SLC17A8: variants seen among roughly 807,000 people sequenced by gnomAD.
SLC17A8 encodes the protein vesicular glutamate transporter 3.
A neutral mutation model predicts 58.0 loss-of-function variants in SLC17A8; 31 were observed. That is an observed-to-expected ratio of 0.53 (90% CI 0.40 to 0.72). SLC17A8 has a LOEUF of 0.72. Among genes scored for constraint, SLC17A8 ranks in the 30% least tolerant of loss-of-function variants. The probability of loss-of-function intolerance (pLI) is 0.00; values close to 1 mark genes in which losing one functional copy is unlikely to be tolerated. For missense variants in SLC17A8, 655 were observed against 727.8 expected (o/e 0.90, Z 1.15); for synonymous variants, 228 against 249.0 (o/e 0.92, Z 0.79).
intron 1 of SLC17A8, among the ~76,000 whole-genome samples, chr12:100,362,007 A>G (rs1299403020): frequency 6.6e-6 from 1 of 152,100 alleles, no homozygotes; most frequent in Non-Finnish European, 1.5e-5. Flanking sequence ...AGAGCCAAGC[A>G]AGGATGCATG....
chr12:100,376,895 T>C (rs933727823), intron 1 of SLC17A8, among the ~76,000 whole-genome samples: 1 of 152,130 alleles, frequency 6.6e-6, no homozygotes, highest in Non-Finnish European at 1.5e-5. Flanking sequence ...CTGTAACCTC[T>C]GCCTCCAAGG....
chr12:100,391,033 G>A lies in SLC17A8; in HGVS notation c.387G>A (p.Val129=). ...TAQFNWDPET[V]GLIHGSFFWG... ...AGTTTAACTGGGATCCAGAAACAGT[G>A]GGCCTTATCCATGGATCTTTTTTCT... is the stretch of plus-strand genomic sequence containing the variant. The change falls in exon 3 of 12, where the codon GTG becomes GTA. Residue 129 remains valine (V), a synonymous_variant. Coordinates refer to ENST00000323346, the MANE Select transcript of SLC17A8 (RefSeq NM_139319.3). 1 of 1,613,578 alleles carries A rather than the reference G, an allele frequency of 6.2e-7. No individual in the cohort carries two copies. Among genetic ancestry groups the A allele is most frequent in the East Asian group, 2.2e-5 (1 of 44,856 alleles).
At chr12:100,416,826 T>A (rs1952909586) in intron 10 of SLC17A8, among the ~76,000 whole-genome samples, 1 of 152,208 alleles carries the variant, frequency 6.6e-6, no homozygotes, top group Admixed American at 6.5e-5. Flanking sequence ...ATCAATTTTA[T>A]AAGAATCGTT....
chr12:100,409,150 TATG>T (rs1952847739), intron 9 of SLC17A8, among the ~76,000 whole-genome samples: 1 of 14,474 alleles, frequency 6.9e-5, no homozygotes, highest in African/African-American at 5.3e-4. Context: ...AAACGTTATG[TATG>T]TATGTATGTA....
intron 5 of SLC17A8, among the ~76,000 whole-genome samples, chr12:100,399,754 C>T (rs1433012217): frequency 6.6e-6 from 1 of 152,118 alleles, no homozygotes; most frequent in Non-Finnish European, 1.5e-5. Flanking sequence ...ATTTGAGATG[C>T]AATTTGGGTA....
Position 100,402,438 on chromosome 12 carries a change from G to A in SLC17A8, c.862G>A (p.Glu288Lys). 1 of 1,614,094 alleles carries A rather than the reference G, an allele frequency of 6.2e-7. No homozygotes were observed. The highest frequency in any genetic ancestry group is 8.5e-7 in the Non-Finnish European group (1 of 1,180,012). ...TISNEEKTYI[E>K]TSIGEGANVV... The stretch of plus-strand genomic sequence containing the variant: ...ATCCAATGAGGAGAAGACCTATATA[G>A]AGACAAGCATAGGAGAGGGGGCCAA... Residue 288 changes from glutamate to lysine, a missense_variant, in exon 7 of 12, where the codon GAG becomes AAG. By Grantham distance (56) the Glu-to-Lys change is moderately conservative. Coordinates refer to ENST00000323346, the MANE Select transcript of SLC17A8 (RefSeq NM_139319.3).
At chr12:100,400,797 C>T (rs1019699756) in intron 5 of SLC17A8, among the ~76,000 whole-genome samples, 9 of 152,058 alleles carry the variant, frequency 5.9e-5, no homozygotes, top group East Asian at 1.9e-4. Flanking sequence ...CCCTACCAGA[C>T]GTCCAGAGGA....
chr12:100,368,375 C>A (rs1006901086), intron 1 of SLC17A8, among the ~76,000 whole-genome samples: 1 of 152,214 alleles, frequency 6.6e-6, no homozygotes, highest in Non-Finnish European at 1.5e-5. Context: ...AAATTCCCCT[C>A]TTCTTATAAG....
intron 5 of SLC17A8, among the ~76,000 whole-genome samples, chr12:100,398,094 C>G (rs1274819625): frequency 2.0e-5 from 3 of 152,144 alleles, no homozygotes; most frequent in African/African-American, 7.2e-5. Flanking sequence ...CTATTTATTT[C>G]TGCATATGTT....
rs1226246397 is a variant in SLC17A8 at position 100,420,024 on chromosome 12, G to A, written c.1635G>A (p.Lys545=). ...NHESFASPKK[K]MSYGATSQNC... Reference sequence around the variant, plus strand: ...AGAGTTTTGCGAGTCCCAAAAAGAAGATGTCTTATGGAGCCACCTCCCAGA... The same window carrying A: ...AGAGTTTTGCGAGTCCCAAAAAGAAAATGTCTTATGGAGCCACCTCCCAGA... Residue 545 remains lysine, a synonymous_variant, in exon 12 of 12, where the codon AAG becomes AAA. Coordinates refer to ENST00000323346, the MANE Select transcript of SLC17A8 (RefSeq NM_139319.3). 2 of 1,613,956 alleles carry A rather than the reference G, an allele frequency of 1.2e-6. No homozygotes were observed. Among genetic ancestry groups the A allele is most frequent in the Admixed American group, 1.7e-5 (1 of 59,986 alleles).
intron 1 of SLC17A8, among the ~76,000 whole-genome samples, chr12:100,374,342 T>C (rs1381050949): frequency 6.6e-6 from 1 of 152,220 alleles, no homozygotes; most frequent in Non-Finnish European, 1.5e-5. Flanking sequence ...TCAGGCATAG[T>C]GGTTCACACC....
chr12:100,411,487 A>AAAAT (rs922834689), intron 9 of SLC17A8, among the ~76,000 whole-genome samples: 10 of 152,208 alleles, frequency 6.6e-5, no homozygotes, highest in African/African-American at 1.4e-4. Flanking sequence ...TCTCAAAGAA[A>AAAAT]AAATAAATAA....
intron 5 of SLC17A8, among the ~76,000 whole-genome samples, chr12:100,400,955 A>G (rs898901184): frequency 2.0e-5 from 3 of 151,544 alleles, no homozygotes; most frequent in Non-Finnish European, 4.4e-5. Context: ...GAATGGAGAC[A>G]GCAGCCCTCT....
intron 10 of SLC17A8, among the ~76,000 whole-genome samples, chr12:100,413,746 C>T (rs566632944): frequency 2.0e-5 from 3 of 152,248 alleles, no homozygotes; most frequent in African/African-American, 4.8e-5. Flanking sequence ...GAGACCGAGA[C>T]GAATGGATCA....
Position 100,413,627 on chromosome 12 carries a change from C to G in SLC17A8, c.1297+747C>G, listed in dbSNP as rs111385863. On this transcript the variant is annotated intron_variant, in intron 10 of 11. Coordinates refer to ENST00000323346, the MANE Select transcript of SLC17A8 (RefSeq NM_139319.3). ...CATATCAGAAGCTTCCTATGCAAAACTGGGTCAAAGAGTGAAATTTAGTTG... is the reference window on the plus strand; with the variant it reads ...CATATCAGAAGCTTCCTATGCAAAAGTGGGTCAAAGAGTGAAATTTAGTTG... Among the ~76,000 whole-genome samples the G allele has an allele frequency of 5.0e-3, 766 of 152,264 alleles. 8 individuals are homozygous for G. Among genetic ancestry groups the G allele is most frequent in the African/African-American group, 0.014 (578 of 41,542 alleles).
At chr12:100,374,556 G>T (rs1952581225) in intron 1 of SLC17A8, among the ~76,000 whole-genome samples, 1 of 152,150 alleles carries the variant, frequency 6.6e-6, no homozygotes, top group South Asian at 2.1e-4. Context: ...AAGTTGCAGT[G>T]AGCCAAGATT....
At chr12:100,392,923 T>C (rs1026558871) in intron 3 of SLC17A8, among the ~76,000 whole-genome samples, 6 of 152,168 alleles carry the variant, frequency 3.9e-5, no homozygotes, top group Non-Finnish European at 8.8e-5. Flanking sequence ...GGTAGGTCTC[T>C]AGCAAGCTTA....
At chr12:100,387,112 G>A (rs1315463424) in intron 2 of SLC17A8, among the ~76,000 whole-genome samples, 1 of 152,144 alleles carries the variant, frequency 6.6e-6, no homozygotes, top group Non-Finnish European at 1.5e-5. Flanking sequence ...CAACTCTTTT[G>A]GATAAATACC....
chr12:100,413,371 T>C (rs558413781), intron 10 of SLC17A8, among the ~76,000 whole-genome samples: 1 of 152,250 alleles, frequency 6.6e-6, no homozygotes, highest in African/African-American at 2.4e-5. Flanking sequence ...AAAATGCGGG[T>C]CCATAGAGGG....
Sources: allele counts gnomAD v4.1 joint callset (sites outside exome capture counted in the v4.1 genomes callset), GRCh38; gene constraint gnomAD v4.1.1; transcripts MANE v1.5; gene names NCBI Gene and HGNC (gene_info 2026-07-23, HGNC 2026-07-21).